The following BBS4 variants were observed in gnomAD, a reference collection of about 807,000 sequenced individuals.
BBS4 encodes the protein Bardet-Biedl syndrome 4.
Under a neutral mutation model 71.4 loss-of-function variants are expected in BBS4, and 58 were observed. The ratio of observed to expected loss-of-function variants is 0.81; its 90% CI spans 0.66 to 1.01. The LOEUF (loss-of-function observed/expected upper bound fraction) is 1.01. BBS4 is among the 50% of genes least tolerant of loss of function. The pLI is 0.00. For synonymous variants in BBS4, 228 were observed against 216.8 expected, an observed-to-expected ratio of 1.05 and a Z score of -0.46; for missense variants, 660 against 607.9, an observed-to-expected ratio of 1.09 and a Z score of -0.90.
chr15:72,711,153 CT>C (rs747554165), intron 3 of BBS4, among the ~76,000 whole-genome samples: 42 of 141,040 alleles, frequency 3.0e-4, no homozygotes, highest in Non-Finnish European at 1.9e-4. Flanking sequence ...CAGTATGAAT[CT>C]TTTTTTTTTT....
intron 13 of BBS4, 45 bp downstream of exon 13, chr15:72,735,227 C>T (rs2065898602): frequency 1.4e-6 from 2 of 1,478,246 alleles, no homozygotes; most frequent in Non-Finnish European, 1.9e-6. Flanking sequence ...TTGGACTCTC[C>T]AAAGCCATGA....
At chr15:72,731,205 C>A in intron 10 of BBS4, 100 bp from the exon 11 acceptor site, 1 of 1,420,404 alleles carries the variant, frequency 7.0e-7, no homozygotes, top group Non-Finnish European at 9.7e-7. Context: ...CCAGTCCCAT[C>A]TATGCTGATG....
At position 72,737,485 on chromosome 15, in the gene BBS4, A is replaced by G. The variant is rs1175486567; in HGVS notation, c.1458A>G (p.Gly486=). The G allele has an allele frequency of 6.2e-7, 1 of 1,611,918 alleles. No homozygotes were observed. The change falls in exon 16 of 16, where the codon GGA becomes GGG. Residue 486 remains glycine (G), a synonymous_variant. Coordinates refer to ENST00000268057, the MANE Select transcript of BBS4 (RefSeq NM_033028.5). The part of the protein sequence containing the change: ...AAYRTLPSGA[G]GTSQFTKPPS... ...TTTTTATTTTGTTACTAGGTGCTGGAGGAACATCCCAGTTCACAAAGCCCC... is the reference window on the plus strand; with the variant it reads ...TTTTTATTTTGTTACTAGGTGCTGGGGGAACATCCCAGTTCACAAAGCCCC...
rs867651974 is a variant in BBS4 at position 72,725,063 on chromosome 15, G to T, written c.587+408G>T. On this transcript the variant is annotated intron_variant, in intron 8 of 15. Transcript: ENST00000268057. The stretch of plus-strand genomic sequence containing the variant: ...CTATATATATATATATATATAGAGA[G>T]AGAGAGAGAGAGAGAGAGAGACATG... Among the ~76,000 whole-genome samples the T allele has an allele frequency of 6.4e-4, 96 of 149,380 alleles. 1 individual carries two copies. The highest frequency in any genetic ancestry group is 3.8e-3 in the South Asian group (18 of 4,714).
rs192350197 is a variant in BBS4, at chr15:72,713,602, C to T, written c.220+1295C>T. ...TGTATAGCGTAGTAAATACATAAACCAGTAATGTAGTCATTTATTATCAAG... is the reference window on the plus strand; with the variant it reads ...TGTATAGCGTAGTAAATACATAAACTAGTAATGTAGTCATTTATTATCAAG... On this transcript the variant is annotated intron_variant, in intron 4 of 15. Coordinates refer to ENST00000268057, the MANE Select transcript of BBS4 (RefSeq NM_033028.5). Among the ~76,000 whole-genome samples, 9 of 152,194 alleles carry T rather than the reference C, an allele frequency of 5.9e-5. No individual in the cohort carries two copies. The East Asian group carries it at 1.5e-3, about 26-fold the overall frequency.
At chr15:72,709,821 TGGG>T (rs759842432) in intron 3 of BBS4, 42 bp downstream of exon 3, 234 of 1,540,494 alleles carry the variant, frequency 1.5e-4, no homozygotes, top group Non-Finnish European at 2.0e-4. Context: ...GGCAGGATGT[TGGG>T]TAGGCAACTA....
chr15:72,695,210 A>C lies in BBS4; in HGVS notation c.58A>C (p.Lys20Gln). 6.2e-7 allele frequency: 1 copy of C among 1,605,588 alleles called. No homozygotes were observed. The highest frequency in any genetic ancestry group is 1.3e-5 in the African/African-American group (1 of 74,874). Reference protein sequence around the residue: ...TQFPVSTESQKPRQKKAPEFP... With the variant: ...TQFPVSTESQQPRQKKAPEFP... ...ATTTCCTGTATCTACTGAGTCTCAA[A>C]AACCCCGGCAGAAAAAAGGTCTGTA... Residue 20 changes from lysine to glutamine, a missense_variant, in exon 2 of 16, where the codon AAA becomes CAA. Lys to Gln is a moderately conservative substitution (Grantham distance 53). Transcript: ENST00000268057.
In BBS4 at chr15:72,693,882, TTTC is replaced by T. The variant is rs549011816; in HGVS notation, c.25-1286_25-1284del. Among the ~76,000 whole-genome samples, 654 of 152,234 alleles carry T rather than the reference TTTC, an allele frequency of 4.3e-3. 2 individuals are homozygous for T. Among genetic ancestry groups the T allele is most frequent in the African/African-American group, 0.015 (614 of 41,516 alleles). ...GCTGTCAGTCTTTTTTGTTTTTCTTTTTCTTCTTCTTTTTTTTTTGAAATGGAG... is the reference window on the plus strand; with the variant it reads ...GCTGTCAGTCTTTTTTGTTTTTCTTTTTCTTCTTTTTTTTTTGAAATGGAG... On this transcript the variant is annotated intron_variant, in intron 1 of 15. Transcript: ENST00000268057.
At chr15:72,705,140 A>G (rs1322390843) in intron 2 of BBS4, among the ~76,000 whole-genome samples, 4 of 152,124 alleles carry the variant, frequency 2.6e-5, no homozygotes, top group African/African-American at 9.7e-5. Context: ...TAAGTGTAAC[A>G]TACTTTATTA....
At position 72,736,767 on chromosome 15, in the gene BBS4, G is replaced by A; in HGVS notation, c.1254G>A (p.Val418=). 1.9e-6 allele frequency: 3 copies of A among 1,614,188 alleles called. No individual in the cohort carries two copies. Among genetic ancestry groups the A allele is most frequent in the Non-Finnish European group, 2.5e-6 (3 of 1,180,038 alleles). ...NSSLEFDSEM[V]EMAQKLGAAL... is the part of the protein sequence containing the mutation. ...ACTTCCTTTGTGGACACAAGATGGT[G>A]GAGATGGCTCAGAAGTTGGGAGCTG... The change falls in exon 15 of 16, where the codon GTG becomes GTA. Residue 418 remains valine (V), a synonymous_variant. Coordinates refer to ENST00000268057, the MANE Select transcript of BBS4 (RefSeq NM_033028.5).
chr15:72,692,572 C>G (rs765491601), intron 1 of BBS4, among the ~76,000 whole-genome samples: 2 of 151,668 alleles, frequency 1.3e-5, no homozygotes, highest in African/African-American at 4.9e-5. Flanking sequence ...CTCAGCCTAC[C>G]GAAGTGCTGG....
chr15:72,725,533 A>G (rs936512599), intron 8 of BBS4, among the ~76,000 whole-genome samples: 8 of 152,190 alleles, frequency 5.3e-5, no homozygotes, highest in African/African-American at 1.9e-4. Flanking sequence ...TTTTGGTATC[A>G]TATGTTAATA....
At chr15:72,717,934 T>C (rs2065496195) in intron 6 of BBS4, among the ~76,000 whole-genome samples, 1 of 152,126 alleles carries the variant, frequency 6.6e-6, no homozygotes, top group Admixed American at 6.5e-5. Flanking sequence ...CTGCAACCTC[T>C]TTCTTCCAGG....
rs993860911 is a variant in BBS4, at chr15:72,689,076, C to A, written c.24+2825C>A. Among the ~76,000 whole-genome samples the A allele has an allele frequency of 2.0e-5, 3 of 151,312 alleles. No individual in the cohort carries two copies. The East Asian group carries it at 5.8e-4, about 29-fold the overall frequency. The stretch of plus-strand genomic sequence containing the variant: ...ACGACTAATTGACTTGGAGGGACTT[C>A]CATGGTGTACATTTAAATAAAAGGT... On this transcript the variant is annotated intron_variant, in intron 1 of 15. Transcript: ENST00000268057.
intron 15 of BBS4, 141 bp from the exon 16 acceptor site, chr15:72,737,337 A>G: frequency 1.4e-6 from 1 of 723,816 alleles, no homozygotes; most frequent in Non-Finnish European, 2.4e-6. Context: ...TTTCTCAGTT[A>G]TAGTCTTCCC....
At chr15:72,705,031 G>GT (rs1171237684) in intron 2 of BBS4, among the ~76,000 whole-genome samples, 2 of 152,154 alleles carry the variant, frequency 1.3e-5, no homozygotes, top group African/African-American at 4.8e-5. Flanking sequence ...ATGAGAATGA[G>GT]TATTTTATTT....
At chr15:72,707,517 A>G (rs1171598860) in intron 2 of BBS4, among the ~76,000 whole-genome samples, 1 of 152,140 alleles carries the variant, frequency 6.6e-6, no homozygotes, top group Non-Finnish European at 1.5e-5. Context: ...CCAACATATT[A>G]AAATTCACAA....
intron 1 of BBS4, chr15:72,686,484 C>T (rs1055622825): frequency 2.0e-6 from 3 of 1,526,302 alleles, no homozygotes; most frequent in African/African-American, 2.7e-5. Context: ...TCTTGGGGTG[C>T]GCTGGACGGA....
chr15:72,691,894 C>T (rs933329893), intron 1 of BBS4, among the ~76,000 whole-genome samples: 26 of 141,292 alleles, frequency 1.8e-4, no homozygotes, highest in Non-Finnish European at 2.7e-4. Flanking sequence ...ACCCAGGAGG[C>T]GGAGGTTGCA....
Sources: gnomAD v4.1 joint callset for allele counts (sites outside exome capture counted in the v4.1 genomes callset) on GRCh38, gnomAD v4.1.1 for gene constraint, MANE v1.5 for transcripts, NCBI Gene and HGNC (gene_info 2026-07-23, HGNC 2026-07-21) for gene names.